Variants in WDR11 observed in about 807,000 individuals in gnomAD.
WDR11 encodes the protein WD repeat-containing protein 11.
In WDR11, 83 loss-of-function variants were observed where a neutral mutation model predicts 151.2. The observed-to-expected ratio is 0.55, with a 90% CI of 0.46 to 0.66. WDR11 has a LOEUF of 0.66. Ranked by LOEUF, WDR11 falls within the 30% of genes least tolerant of loss-of-function variation. The pLI, the probability that WDR11 is intolerant of heterozygous loss-of-function variation, is 0.00. For missense variants in WDR11, 1,301 were observed against 1,480.9 expected (o/e 0.88, Z 1.99); for synonymous variants, 484 against 533.1 (o/e 0.91, Z 1.27).
intron 2 of WDR11, among the ~76,000 whole-genome samples, chr10:120,855,545 T>C (rs1845918071): frequency 1.3e-5 from 2 of 152,226 alleles, no homozygotes; most frequent in Admixed American, 1.3e-4. Context: ...TTGCTTGTAC[T>C]TTTTGTGCCA....
At chr10:120,891,278 T>C (rs1340195960) in intron 19 of WDR11, among the ~76,000 whole-genome samples, 1 of 152,224 alleles carries the variant, frequency 6.6e-6, no homozygotes, top group African/African-American at 2.4e-5. Context: ...CCATATATCA[T>C]TGAAAAGTCA....
intron 3 of WDR11, among the ~76,000 whole-genome samples, chr10:120,859,771 C>CT (rs1373705457): frequency 6.6e-6 from 1 of 152,070 alleles, no homozygotes; most frequent in Non-Finnish European, 1.5e-5. Flanking sequence ...TTAGGAAAGT[C>CT]TGACATCTTG....
chr10:120,854,974 C>A (rs1297655091), intron 2 of WDR11, among the ~76,000 whole-genome samples: 2 of 152,100 alleles, frequency 1.3e-5, no homozygotes, highest in Non-Finnish European at 2.9e-5. Context: ...ATATATTGTG[C>A]TTTTTCTCAT....
At chr10:120,862,583 T>C (rs1304698603) in intron 4 of WDR11, 152 bp from the exon 5 acceptor site, 1 of 794,034 alleles carries the variant, frequency 1.3e-6, no homozygotes, top group Non-Finnish European at 2.1e-6. Flanking sequence ...CTCTTCAACT[T>C]AGAGAACATT....
At chr10:120,896,220 T>C (rs1847609857) in intron 19 of WDR11, among the ~76,000 whole-genome samples, 1 of 152,136 alleles carries the variant, frequency 6.6e-6, no homozygotes. Context: ...AGCCTGCTTG[T>C]GTACAAAGGC....
At chr10:120,908,477 C>T in intron 28 of WDR11, 79 bp from the exon 29 acceptor site, 1 of 1,500,088 alleles carries the variant, frequency 6.7e-7, no homozygotes, top group Non-Finnish European at 9.3e-7. Flanking sequence ...AGACGCGACT[C>T]ACCCTTCCTG....
intron 2 of WDR11, among the ~76,000 whole-genome samples, chr10:120,853,957 T>C (rs558061556): frequency 1.3e-5 from 2 of 152,216 alleles, no homozygotes; most frequent in African/African-American, 4.8e-5. Flanking sequence ...TATTGCATTA[T>C]AGTGATCCGG....
Position 120,900,456 on chromosome 10 carries a change from C to T in WDR11, c.2624+319C>T, listed in dbSNP as rs7911084. ...AATGGAAGGCAGGAGAATTTGGAGCCGGGCACGTTCTTTTTAAAAGCAGCA... is the reference window on the plus strand; with the variant it reads ...AATGGAAGGCAGGAGAATTTGGAGCTGGGCACGTTCTTTTTAAAAGCAGCA... On this transcript the variant is annotated intron_variant, in intron 20 of 28. Transcript: ENST00000263461. 0.37 allele frequency among the ~76,000 whole-genome samples: 56,592 copies of T among 151,898 alleles called. 10,644 individuals carry two copies. Among genetic ancestry groups the T allele is most frequent in the Admixed American group, 0.44 (6,705 of 15,270 alleles).
At chr10:120,905,550 A>T (rs546753004) in intron 26 of WDR11, 134 bp downstream of exon 26, 2 of 937,826 alleles carry the variant, frequency 2.1e-6, no homozygotes, top group East Asian at 2.6e-5. Flanking sequence ...TGGAACCTTT[A>T]TCCTTTTCCT....
intron 2 of WDR11, among the ~76,000 whole-genome samples, chr10:120,853,883 A>G (rs1036937097): frequency 2.0e-5 from 3 of 152,200 alleles, no homozygotes; most frequent in African/African-American, 7.2e-5. Flanking sequence ...TATCAGAGGT[A>G]AGCATCTGTG....
chr10:120,901,935 A>AT (rs1176253661), intron 21 of WDR11, among the ~76,000 whole-genome samples: 1 of 151,906 alleles, frequency 6.6e-6, no homozygotes, highest in East Asian at 1.9e-4. Flanking sequence ...GTTCTTGATG[A>AT]TTTTTTCAAC....
At chr10:120,873,499 C>G (rs1021475726) in intron 10 of WDR11, among the ~76,000 whole-genome samples, 4 of 152,184 alleles carry the variant, frequency 2.6e-5, no homozygotes, top group African/African-American at 9.6e-5. Flanking sequence ...AATAAACCTT[C>G]TGAGTCTCAA....
chr10:120,908,871 C>T lies in WDR11; in HGVS notation c.*158C>T. On this transcript the variant is annotated 3_prime_UTR_variant, in exon 29 of 29. Transcript: ENST00000263461. ...CTATGTGTGCCCAAAAGCACATAAG[C>T]ATCTATGTTGAGAGTAAGTTTGTAT... 1.3e-6 allele frequency: 1 copy of T among 765,822 alleles called. No homozygotes were observed. The highest frequency in any genetic ancestry group is 2.2e-6 in the Non-Finnish European group (1 of 450,010). The allele number at this position is 765,822 out of a possible 1,614,324, so 47.4% of individuals were successfully genotyped here.
intron 1 of WDR11, 141 bp downstream of exon 1, chr10:120,851,647 A>C (rs1845776887): frequency 1.0e-6 from 1 of 994,452 alleles, no homozygotes; most frequent in African/African-American, 1.6e-5. Context: ...GCTTGCTTTC[A>C]GTTGGTGGAT....
intron 6 of WDR11, 90 bp downstream of exon 6, chr10:120,865,302 G>T: frequency 1.5e-6 from 2 of 1,295,230 alleles, no homozygotes; most frequent in Non-Finnish European, 2.2e-6. Flanking sequence ...CTTGTCTTCA[G>T]TTCTCCACTT....
At chr10:120,858,500 A>T in intron 2 of WDR11, 143 bp from the exon 3 acceptor site, 1 of 1,033,830 alleles carries the variant, frequency 9.7e-7, no homozygotes, top group Non-Finnish European at 1.4e-6. Flanking sequence ...CTGCCTTCAA[A>T]ATGAAAACCA....
chr10:120,886,648 G>GA lies in WDR11; in HGVS notation c.1974-32dup, dbSNP rs11395714. 539,686 of 1,575,260 alleles carry GA rather than the reference G, an allele frequency of 0.34. 86,235 individuals carry two copies. Among genetic ancestry groups the GA allele is most frequent in the Admixed American group, 0.48 (27,434 of 57,486 alleles). On this transcript the variant is annotated intron_variant, in intron 15 of 28. Coordinates refer to ENST00000263461, the MANE Select transcript of WDR11 (RefSeq NM_018117.12). Reference sequence around the variant, plus strand: ...ATTAATTATGAGTATCACTCTAGGGGAAAAAAAAACATCTTTATCATATGT... The same window carrying GA: ...ATTAATTATGAGTATCACTCTAGGGGAAAAAAAAAACATCTTTATCATATGT...
At chr10:120,885,375 C>T (rs4408243) in intron 14 of WDR11, among the ~76,000 whole-genome samples, 56,390 of 151,028 alleles carry the variant, frequency 0.37, 10,581 homozygotes, top group Admixed American at 0.44. Flanking sequence ...TATACATATG[C>T]GAGGATATTG....
chr10:120,899,936 C>T (rs1847752540), intron 19 of WDR11, 93 bp from the exon 20 acceptor site: 3 of 1,030,082 alleles, frequency 2.9e-6, no homozygotes, highest in East Asian at 4.8e-5. Context: ...ACCTGTTGCT[C>T]TCTGCTGACT....
Sources: gnomAD v4.1 joint callset for allele counts (sites outside exome capture counted in the v4.1 genomes callset) on GRCh38, gnomAD v4.1.1 for gene constraint, MANE v1.5 for transcripts, NCBI Gene and HGNC (gene_info 2026-07-23, HGNC 2026-07-21) for gene names.